Variants in TRPC5 observed in about 807,000 individuals in gnomAD.
TRPC5 encodes the protein transient receptor potential cation channel subfamily C member 5, also known as short transient receptor potential channel 5.
TRPC5 carries 9 observed loss-of-function variants against 56.5 expected under a neutral mutation model. The observed-to-expected ratio is 0.16, with a 90% CI of 0.10 to 0.28. TRPC5 has a LOEUF of 0.28. Ranked by LOEUF, TRPC5 falls within the 10% of genes least tolerant of loss-of-function variation. TRPC5 has a pLI of 1.00. For synonymous variants in TRPC5, 282 were observed against 278.5 expected, an observed-to-expected ratio of 1.01 and a Z score of -0.13; for missense variants, 469 against 748.9, an observed-to-expected ratio of 0.63 and a Z score of 4.36.
At chrX:112,048,536 A>T (rs1189717414) in intron 1 of TRPC5, among the ~76,000 whole-genome samples, 1 of 111,083 alleles carries the variant, frequency 9.0e-6, no homozygotes, top group Non-Finnish European at 1.9e-5. Flanking sequence ...GTTTTAAGAC[A>T]CATCATCAGT....
At chrX:111,830,685 C>T (rs903307201) in intron 7 of TRPC5, among the ~76,000 whole-genome samples, 9 of 111,874 alleles carry the variant, frequency 8.0e-5, no homozygotes, top group South Asian at 3.8e-4. Flanking sequence ...GTAAGACCTG[C>T]GTGCTTTTCC....
At chrX:111,968,710 C>T (rs1321040233) in intron 1 of TRPC5, among the ~76,000 whole-genome samples, 1 of 105,405 alleles carries the variant, frequency 9.5e-6, no homozygotes, top group African/African-American at 3.5e-5. Context: ...TCATTCTCAG[C>T]AAACTATCGC....
chrX:112,028,444 G>A (rs1929483789), intron 1 of TRPC5, among the ~76,000 whole-genome samples: 1 of 110,807 alleles, frequency 9.0e-6, no homozygotes, highest in African/African-American at 3.3e-5. Context: ...CCCCATGACA[G>A]GCCCTGGTGT....
intron 1 of TRPC5, among the ~76,000 whole-genome samples, chrX:112,057,312 C>A (rs1930363421): frequency 1.0e-5 from 1 of 96,209 alleles, no homozygotes; most frequent in Non-Finnish European, 2.0e-5. Flanking sequence ...AGCTATGTGA[C>A]CCGGGAAAAA....
chrX:112,008,599 C>CAAAAAAAAAAA (rs771663324), intron 1 of TRPC5, among the ~76,000 whole-genome samples: 4 of 74,039 alleles, frequency 5.4e-5, no homozygotes, highest in African/African-American at 1.8e-4. Context: ...GACTCTGTCT[C>CAAAAAAAAAAA]AAAAAAAAAA....
At chrX:112,058,493 T>C (rs1397201677) in intron 1 of TRPC5, among the ~76,000 whole-genome samples, 8 of 103,651 alleles carry the variant, frequency 7.7e-5, no homozygotes, top group African/African-American at 3.3e-4. Context: ...AACCAAGAAA[T>C]AGCAGAGGAA....
At chrX:111,935,985 T>C (rs963314395) in intron 2 of TRPC5, among the ~76,000 whole-genome samples, 2 of 111,977 alleles carry the variant, frequency 1.8e-5, no homozygotes, top group Non-Finnish European at 3.8e-5. Context: ...TTTAGGATTT[T>C]TTTCCTATTT....
At position 111,780,987 on chromosome X, in the gene TRPC5, A is replaced by G. The variant is rs1945915474; in HGVS notation, c.2142+178T>C. The G allele has an allele frequency of 5.7e-6, 3 of 526,478 alleles. No homozygotes were observed. In the Admixed American group the frequency reaches 8.0e-5, roughly 14 times the overall value. The allele number at this position is 526,478 out of a possible 1,213,427, so 43.4% of individuals were successfully genotyped here. ...GTGCATAAGGGCCATGAACAGGATTATAAAGCAGGTGATTCCACTTGGAGA... is the reference window on the plus strand; with the variant it reads ...GTGCATAAGGGCCATGAACAGGATTGTAAAGCAGGTGATTCCACTTGGAGA... On this transcript the variant is annotated intron_variant, in intron 9 of 10. Transcript: ENST00000262839.
At chrX:111,964,491 T>C (rs977297993) in intron 1 of TRPC5, among the ~76,000 whole-genome samples, 11 of 111,392 alleles carry the variant, frequency 9.9e-5, no homozygotes, top group South Asian at 3.7e-4. Flanking sequence ...AAGATACTCC[T>C]CGAGAAGAGC....
At chrX:111,986,736 G>C (rs1452972011) in intron 1 of TRPC5, among the ~76,000 whole-genome samples, 1 of 111,298 alleles carries the variant, frequency 9.0e-6, no homozygotes, top group Non-Finnish European at 1.9e-5. Context: ...CCAAAATTCA[G>C]GACCTCATCT....
At chrX:111,809,676 C>T (rs1204413432) in intron 7 of TRPC5, among the ~76,000 whole-genome samples, 1 of 110,869 alleles carries the variant, frequency 9.0e-6, no homozygotes, top group Non-Finnish European at 1.9e-5. Flanking sequence ...AGGTGCTTTA[C>T]GGTGTGTGTA....
At chrX:111,784,927 G>A (rs760335635) in intron 7 of TRPC5, among the ~76,000 whole-genome samples, 1 of 112,441 alleles carries the variant, frequency 8.9e-6, no homozygotes, top group African/African-American at 3.2e-5. Context: ...GCTCGAACTG[G>A]GGGGAGCCCA....
chrX:111,898,116 C>T (rs1055041606), intron 3 of TRPC5, among the ~76,000 whole-genome samples: 2 of 108,838 alleles, frequency 1.8e-5, no homozygotes, highest in African/African-American at 3.3e-5. Context: ...TGTCAATTTG[C>T]ATTTCTTTGA....
intron 2 of TRPC5, among the ~76,000 whole-genome samples, chrX:111,932,353 A>G (rs907027814): frequency 2.9e-4 from 32 of 111,902 alleles, no homozygotes; most frequent in African/African-American, 9.4e-4. Context: ...AAATGCATGC[A>G]GTTTTTTAAT....
At position 111,779,028 on chromosome X, in the gene TRPC5, C is replaced by T; in HGVS notation, c.2189G>A (p.Arg730Lys). 8.3e-7 allele frequency: 1 copy of T among 1,204,652 alleles called. No individual in the cohort carries two copies. Among genetic ancestry groups the T allele is most frequent in the Non-Finnish European group, 1.1e-6 (1 of 892,181 alleles). ...LVKRYVAAMI[R>K]NSKTHEGLTE... ...AAGTCCCTCATGTGTTTTGGAATTT[C>T]TTATCATAGCAGCCACATATCTTTT... is the stretch of plus-strand genomic sequence containing the variant. The change falls in exon 10 of 11, where the codon AGA (arginine) becomes AAA (lysine). Residue 730 changes from arginine to lysine, a missense_variant. Arg to Lys is a conservative substitution (Grantham distance 26, BLOSUM62 2). Coordinates refer to ENST00000262839, the MANE Select transcript of TRPC5 (RefSeq NM_012471.3).
intron 3 of TRPC5, among the ~76,000 whole-genome samples, chrX:111,856,538 A>AAATAATAAT (rs750089190): frequency 0.02 from 1,896 of 95,114 alleles, 50 homozygotes; most frequent in African/African-American, 0.068. Flanking sequence ...GCCCTGTCTC[A>AAATAATAAT]AATAATAATA....
rs1489745278 is a variant in TRPC5 at position 111,952,240 on chromosome X, C to A, written c.181G>T (p.Val61Phe). 8.3e-7 allele frequency: 1 copy of A among 1,212,016 alleles called. No homozygotes were observed. Among genetic ancestry groups the A allele is most frequent in the East Asian group, 3.0e-5 (1 of 33,835 alleles). ...ALQEAEIYYN[V>F]NINCMDPLGR... ...AAGGGGTCCATGCAGTTGATGTTAA[C>A]ATTATAGTAGATCTCAGCCTCCTGA... is the stretch of plus-strand genomic sequence containing the variant. The change falls in exon 2 of 11, where the codon GTT becomes TTT. Residue 61 changes from valine (V) to phenylalanine (F), a missense_variant. Transcript: ENST00000262839.
At chrX:112,039,664 G>A (rs1043034108) in intron 1 of TRPC5, among the ~76,000 whole-genome samples, 9 of 111,383 alleles carry the variant, frequency 8.1e-5, no homozygotes, top group Non-Finnish European at 1.7e-4. Context: ...ACAAAGCTAA[G>A]GATCAAGGAT....
At chrX:112,060,828 C>G (rs1007973408) in intron 1 of TRPC5, among the ~76,000 whole-genome samples, 1 of 112,578 alleles carries the variant, frequency 8.9e-6, no homozygotes, top group African/African-American at 3.2e-5. Flanking sequence ...AAAAGGGTTG[C>G]TTTGTTAGCT....
Sources: gnomAD v4.1 joint callset for allele counts (sites outside exome capture counted in the v4.1 genomes callset) on GRCh38, gnomAD v4.1.1 for gene constraint, MANE v1.5 for transcripts, NCBI Gene and HGNC (gene_info 2026-07-23, HGNC 2026-07-21) for gene names.